The following PPME1 variants were observed in gnomAD, a reference collection of about 807,000 sequenced individuals.
PPME1 encodes testicular secretory protein Li 39.
A neutral mutation model predicts 56.9 loss-of-function variants in PPME1; 17 were observed. That is an observed-to-expected ratio of 0.30 (90% CI 0.20 to 0.45). The LOEUF (loss-of-function observed/expected upper bound fraction) is 0.45, where lower values mean the gene tolerates loss of function less well. Ranked by LOEUF, PPME1 falls within the 20% of genes least tolerant of loss-of-function variation. The probability of loss-of-function intolerance (pLI) is 1.00; values close to 1 mark genes in which losing one functional copy is unlikely to be tolerated. For synonymous variants in PPME1, 122 were observed against 156.2 expected (o/e 0.78, Z 1.63); for missense variants, 357 against 483.2 (o/e 0.74, Z 2.45).
At chr11:74,203,624 C>A (rs977405574) in intron 1 of PPME1, 104 bp from the exon 2 acceptor site, 7 of 713,604 alleles carry the variant, frequency 9.8e-6, no homozygotes, top group Non-Finnish European at 1.6e-5. Flanking sequence ...AGAGAAAATA[C>A]CTTTGCTGTT....
At position 74,171,534 on chromosome 11, in the gene PPME1, A is replaced by G. The variant is rs368916540; in HGVS notation, c.101+12A>G. On this transcript the variant is annotated intron_variant, in intron 1 of 13. Coordinates refer to ENST00000328257, the MANE Select transcript of PPME1 (RefSeq NM_016147.3). Reference sequence around the variant, plus strand: ...AAGATGCGAATGGGGTACGTGACCCATACCCCTTCTCCCTATGGGCCAGGC... The same window carrying G: ...AAGATGCGAATGGGGTACGTGACCCGTACCCCTTCTCCCTATGGGCCAGGC... 8.1e-6 allele frequency: 13 copies of G among 1,607,118 alleles called. No individual in the cohort carries two copies. The highest frequency in any genetic ancestry group is 8.0e-5 in the African/African-American group (6 of 74,856).
At chr11:74,219,727 C>T (rs1858748332) in intron 3 of PPME1, among the ~76,000 whole-genome samples, 2 of 152,050 alleles carry the variant, frequency 1.3e-5, no homozygotes, top group South Asian at 4.1e-4. Context: ...GGATGGTTAC[C>T]AGAGGCTGGG....
chr11:74,185,582 T>A lies in PPME1; in HGVS notation c.101+14060T>A, dbSNP rs118153500. Among the ~76,000 whole-genome samples the A allele has an allele frequency of 7.8e-4, 118 of 152,052 alleles. No individual in the cohort carries two copies. In the East Asian group the frequency reaches 0.011, roughly 15 times the overall value. On this transcript the variant is annotated intron_variant, in intron 1 of 13. Transcript: ENST00000328257. ...TATTCTGTCTGTTCTCTTGCTTTCA[T>A]TAATGGTGTTTCAGTGGCTTTTTTT...
chr11:74,204,971 CTG>C (rs1858288810), intron 3 of PPME1: 1 of 152,572 alleles, frequency 6.6e-6, no homozygotes, highest in Admixed American at 6.5e-5. Context: ...CCTCTCAACT[CTG>C]TTTTAATGGG....
chr11:74,196,946 G>C (rs2135612609), intron 1 of PPME1, among the ~76,000 whole-genome samples: 1 of 152,286 alleles, frequency 6.6e-6, no homozygotes, highest in South Asian at 2.1e-4. Flanking sequence ...TAAACACCTA[G>C]AGGCTAGGAA....
Position 74,253,867 on chromosome 11 carries a change from C to A in PPME1, c.*357C>A, listed in dbSNP as rs952886218. The A allele has an allele frequency of 2.6e-5, 10 of 389,090 alleles. No individual in the cohort carries two copies. The highest frequency in any genetic ancestry group is 6.1e-5 in the African/African-American group (3 of 49,032). The allele number at this position is 389,090 out of a possible 1,614,324, so 24.1% of individuals were successfully genotyped here. A position where few individuals can be genotyped will look rare whatever the true frequency, so the allele number is the denominator to read the frequency against. ...CGATACATCTGAGTTCAAATGTCTT[C>A]CCAGGCTCAGGGACCTCCATTCCTT... On this transcript the variant is annotated 3_prime_UTR_variant, in exon 14 of 14. Coordinates refer to ENST00000328257, the MANE Select transcript of PPME1 (RefSeq NM_016147.3).
At chr11:74,247,484 T>TG (rs1265719018) in intron 11 of PPME1, 1 of 64,256 alleles carries the variant, frequency 1.6e-5, no homozygotes, top group Non-Finnish European at 2.7e-5. Flanking sequence ...TGTTTGTGGG[T>TG]TTTTTTTTTT....
At chr11:74,231,088 C>G in intron 7 of PPME1, 86 bp downstream of exon 7, 1 of 1,145,848 alleles carries the variant, frequency 8.7e-7, no homozygotes, top group Non-Finnish European at 1.3e-6. Flanking sequence ...GACAAGGCCT[C>G]ACTCTGTCAC....
chr11:74,189,171 C>T (rs1055863456), intron 1 of PPME1, among the ~76,000 whole-genome samples: 1 of 152,192 alleles, frequency 6.6e-6, no homozygotes, highest in Non-Finnish European at 1.5e-5. Flanking sequence ...AGGCAGATCA[C>T]TTGAGCTCAG....
At chr11:74,239,053 A>T in intron 8 of PPME1, 80 bp from the exon 9 acceptor site, 3 of 1,335,148 alleles carry the variant, frequency 2.2e-6, no homozygotes, top group African/African-American at 1.5e-5. Context: ...TGATTATAAA[A>T]GGCCGTAAGT....
At chr11:74,216,376 A>G (rs1858644759) in intron 3 of PPME1, among the ~76,000 whole-genome samples, 1 of 152,232 alleles carries the variant, frequency 6.6e-6, no homozygotes, top group Non-Finnish European at 1.5e-5. Context: ...GAAAATAAAC[A>G]CTATGCTCCT....
intron 13 of PPME1, 151 bp downstream of exon 13, chr11:74,251,866 C>A: frequency 1.0e-6 from 1 of 979,336 alleles, no homozygotes; most frequent in Non-Finnish European, 1.6e-6. Flanking sequence ...CCTGGCATGT[C>A]TGTTTCTACA....
intron 3 of PPME1, among the ~76,000 whole-genome samples, chr11:74,213,674 G>C (rs1178926816): frequency 6.6e-6 from 1 of 152,244 alleles, no homozygotes; most frequent in East Asian, 1.9e-4. Flanking sequence ...AAGGAAGAGT[G>C]TAAGAATCTC....
chr11:74,242,145 G>GTATGA (rs2135673787), intron 9 of PPME1, among the ~76,000 whole-genome samples: 1 of 152,258 alleles, frequency 6.6e-6, no homozygotes, highest in South Asian at 2.1e-4. Context: ...TAATGTTTGT[G>GTATGA]TATGATATCA....
intron 9 of PPME1, among the ~76,000 whole-genome samples, chr11:74,245,583 T>C (rs1290430161): frequency 1.3e-5 from 2 of 152,200 alleles, no homozygotes; most frequent in Non-Finnish European, 2.9e-5. Context: ...GAAAAAATGC[T>C]CTACTGACAA....
chr11:74,180,407 T>C (rs1405336826), intron 1 of PPME1, among the ~76,000 whole-genome samples: 2 of 152,190 alleles, frequency 1.3e-5, no homozygotes, highest in African/African-American at 4.8e-5. Flanking sequence ...CCTGGCCTAT[T>C]TAACCCCGTT....
intron 11 of PPME1, 185 bp from the exon 12 acceptor site, chr11:74,250,769 T>C: frequency 1.7e-6 from 1 of 577,806 alleles, no homozygotes. Context: ...TGAAGGGAAA[T>C]GATTGGCGCA....
At chr11:74,188,647 A>G (rs530169742) in intron 1 of PPME1, among the ~76,000 whole-genome samples, 7 of 152,326 alleles carry the variant, frequency 4.6e-5, no homozygotes, top group South Asian at 2.1e-4. Flanking sequence ...TAACCTAACT[A>G]CCTATTTGCT....
At chr11:74,218,253 A>G (rs529644216) in intron 3 of PPME1, among the ~76,000 whole-genome samples, 69 of 152,300 alleles carry the variant, frequency 4.5e-4, no homozygotes, top group Non-Finnish European at 8.1e-4. Context: ...AAGAAATTGA[A>G]GAGGACACGA....
Sources: allele counts gnomAD v4.1 joint callset (sites outside exome capture counted in the v4.1 genomes callset), GRCh38; gene constraint gnomAD v4.1.1; transcripts MANE v1.5; gene names NCBI Gene and HGNC (gene_info 2026-07-23, HGNC 2026-07-21).